TRHDE: variants seen among roughly 807,000 people sequenced by gnomAD.
TRHDE encodes thyrotropin releasing hormone degrading enzyme.
Under a neutral mutation model 125.7 loss-of-function variants are expected in TRHDE, and 72 were observed. That is an observed-to-expected ratio of 0.57 (90% CI 0.47 to 0.70). TRHDE has a LOEUF of 0.70. Ranked by LOEUF, TRHDE falls within the 30% of genes least tolerant of loss-of-function variation. The pLI is 0.00. For missense variants in TRHDE, 1,110 were observed against 1,327.1 expected, an observed-to-expected ratio of 0.84 and a Z score of 2.54; for synonymous variants, 509 against 509.1, an observed-to-expected ratio of 1.00 and a Z score of 0.00.
intron 3 of TRHDE, among the ~76,000 whole-genome samples, chr12:72,465,369 A>T (rs1038943681): frequency 6.6e-6 from 1 of 151,708 alleles, no homozygotes; most frequent in Non-Finnish European, 1.5e-5. Context: ...CTATCTTCTA[A>T]CTCCTCCCAT....
intron 7 of TRHDE, among the ~76,000 whole-genome samples, chr12:72,542,881 T>A (rs775460137): frequency 1.3e-5 from 2 of 151,388 alleles, no homozygotes; most frequent in Non-Finnish European, 3.0e-5. Flanking sequence ...GATACAGTTT[T>A]TATCATAATG....
chr12:72,316,992 G>GT (rs936648494), intron 2 of TRHDE, among the ~76,000 whole-genome samples: 34 of 152,116 alleles, frequency 2.2e-4, no homozygotes, highest in African/African-American at 7.2e-4. Context: ...GAGTTTATGT[G>GT]TTTTTTATTA....
intron 5 of TRHDE, among the ~76,000 whole-genome samples, chr12:72,477,168 A>G (rs1009124294): frequency 2.0e-5 from 3 of 152,180 alleles, no homozygotes; most frequent in African/African-American, 7.2e-5. Context: ...GGTCTTTGAA[A>G]TGTATGAACC....
chr12:72,141,888 T>G (rs1876119263), intron 2 of TRHDE, among the ~76,000 whole-genome samples: 1 of 152,164 alleles, frequency 6.6e-6, no homozygotes, highest in Non-Finnish European at 1.5e-5. Flanking sequence ...GTTTGGCAAT[T>G]ATCACATTCC....
At chr12:72,618,869 C>CTTT in intron 12 of TRHDE, 22 bp from the exon 13 acceptor site, 5 of 1,345,158 alleles carry the variant, frequency 3.7e-6, no homozygotes, top group South Asian at 1.6e-5. Context: ...CATCATGTAT[C>CTTT]TTTTTTTTTT....
Position 72,096,099 on chromosome 12 carries a change from G to A in TRHDE, n.174+8660G>A, listed in dbSNP as rs1398798681. ...CTTGTCAGCCTCCATAATCATGTGA[G>A]CTGATTCCTTAAGATAAATCTTTTC... On this transcript the variant is annotated intron_variant and non_coding_transcript_variant, in intron 1 of 4. Transcript: ENST00000548156. Among the ~76,000 whole-genome samples, 5 of 148,944 alleles carry A rather than the reference G, an allele frequency of 3.4e-5. No individual in the cohort carries two copies. In the Admixed American group the frequency reaches 3.4e-4, roughly 10 times the overall value.
chr12:72,324,065 C>G (rs1008904269), intron 2 of TRHDE, among the ~76,000 whole-genome samples: 3 of 152,098 alleles, frequency 2.0e-5, no homozygotes, highest in Non-Finnish European at 2.9e-5. Flanking sequence ...CATGTTTATC[C>G]TTAAATAACC....
chr12:72,562,312 A>G, intron 8 of TRHDE, 82 bp downstream of exon 8: 2 of 665,204 alleles, frequency 3.0e-6, no homozygotes, highest in Non-Finnish European at 5.2e-6. Flanking sequence ...GCCTTTATTG[A>G]CACCTGATAG....
chr12:72,540,584 C>G (rs902087731), intron 6 of TRHDE, among the ~76,000 whole-genome samples: 4 of 151,594 alleles, frequency 2.6e-5, no homozygotes, highest in African/African-American at 7.3e-5. Context: ...GTCTCAATTC[C>G]CAGTTGGCAA....
chr12:72,397,983 C>CT (rs1872872496), intron 3 of TRHDE, among the ~76,000 whole-genome samples: 1 of 144,890 alleles, frequency 6.9e-6, no homozygotes, highest in Admixed American at 6.9e-5. Context: ...TCCCTCCCCC[C>CT]TCCCCCAACC....
chr12:72,403,103 C>T (rs919117034), intron 3 of TRHDE, among the ~76,000 whole-genome samples: 1 of 152,172 alleles, frequency 6.6e-6, no homozygotes, highest in African/African-American at 2.4e-5. Flanking sequence ...TAACCCCCAA[C>T]ACACTCGCAT....
intron 3 of TRHDE, among the ~76,000 whole-genome samples, chr12:72,429,785 T>G (rs371021974): frequency 8.5e-5 from 13 of 152,248 alleles, no homozygotes; most frequent in African/African-American, 3.1e-4. Flanking sequence ...GTTGAGCATC[T>G]TTTCATGTAT....
chr12:72,465,231 T>C (rs1472765693), intron 3 of TRHDE, among the ~76,000 whole-genome samples: 1 of 152,100 alleles, frequency 6.6e-6, no homozygotes, highest in East Asian at 1.9e-4. Context: ...TTAGCTTCAT[T>C]CAGGTACAGT....
intron 3 of TRHDE, among the ~76,000 whole-genome samples, chr12:72,449,468 C>T (rs1254221218): frequency 6.6e-6 from 1 of 151,488 alleles, no homozygotes; most frequent in Non-Finnish European, 1.5e-5. Flanking sequence ...ACTGCCTCTA[C>T]TATTTTTTTT....
At chr12:72,650,414 T>C (rs1874458809) in intron 15 of TRHDE, among the ~76,000 whole-genome samples, 1 of 152,174 alleles carries the variant, frequency 6.6e-6, no homozygotes. Flanking sequence ...GTATAGTATG[T>C]GGCACTCAAG....
chr12:72,312,465 A>C (rs1868591568), intron 2 of TRHDE, among the ~76,000 whole-genome samples: 1 of 152,202 alleles, frequency 6.6e-6, no homozygotes, highest in African/African-American at 2.4e-5. Flanking sequence ...CCAGCTTGCT[A>C]TTAATTATGG....
At position 72,614,312 on chromosome 12, in the gene TRHDE, G is replaced by GTATATATATATGTA. The variant is rs56320644; in HGVS notation, c.2322-4568_2322-4567insGTATATATATATAT. Among the ~76,000 whole-genome samples the GTATATATATATGTA allele has an allele frequency of 8.8e-3, 947 of 107,644 alleles. 5 individuals are homozygous for GTATATATATATGTA. The highest frequency in any genetic ancestry group is 0.018 in the African/African-American group (356 of 19,882). 70.6% of individuals were successfully genotyped at this position (107,644 alleles called of 152,430 possible). A position where few individuals can be genotyped will look rare whatever the true frequency, so the allele number is the denominator to read the frequency against. On this transcript the variant is annotated intron_variant, in intron 12 of 18. Transcript: ENST00000261180. ...CAATGGCTGGATTATATATACATAT[G>GTATATATATATGTA]TATATATATATATATATATTTTTTT... is the stretch of plus-strand genomic sequence containing the variant.
At chr12:72,629,088 G>A (rs1873372809) in intron 15 of TRHDE, among the ~76,000 whole-genome samples, 1 of 151,746 alleles carries the variant, frequency 6.6e-6, no homozygotes, top group Admixed American at 6.6e-5. Context: ...ACTCCAGTGA[G>A]TGCATATTTC....
chr12:72,670,538 G>A lies in TRHDE; in HGVS notation c.*7343G>A, dbSNP rs546510459. ...AAGGCCAAAATAAATAATACCATCT[G>A]TTTTTTTCACTTGAAAATACATTTT... On this transcript the variant is annotated 3_prime_UTR_variant, in exon 19 of 19. Coordinates refer to ENST00000261180, the MANE Select transcript of TRHDE (RefSeq NM_013381.3). 1 of 151,356 alleles carries A rather than the reference G, an allele frequency of 6.6e-6. No individual in the cohort carries two copies. Among genetic ancestry groups the A allele is most frequent in the African/African-American group, 2.4e-5 (1 of 41,358 alleles). The allele number at this position is 151,356 out of a possible 1,614,324, so 9.4% of individuals were successfully genotyped here.
Sources: allele counts gnomAD v4.1 joint callset (sites outside exome capture counted in the v4.1 genomes callset), GRCh38; gene constraint gnomAD v4.1.1; transcripts MANE v1.5; gene names NCBI Gene and HGNC (gene_info 2026-07-23, HGNC 2026-07-21).